ZC3H12B: variants seen among roughly 807,000 people sequenced by gnomAD.
ZC3H12B encodes the protein probable ribonuclease ZC3H12B.
In ZC3H12B, 7 loss-of-function variants were observed where a neutral mutation model predicts 43.9. The observed-to-expected ratio is 0.16, with a 90% CI of 0.09 to 0.30. ZC3H12B has a LOEUF of 0.30. Among genes scored for constraint, ZC3H12B ranks in the 10% least tolerant of loss-of-function variants. The pLI is 1.00. For synonymous variants in ZC3H12B, 222 were observed against 241.7 expected (o/e 0.92, Z 0.76); for missense variants, 475 against 670.2 (o/e 0.71, Z 3.22).
upstream of ZC3H12B, among the ~76,000 whole-genome samples, chrX:65,365,027 T>C (rs1481388718): frequency 9.0e-6 from 1 of 111,613 alleles, no homozygotes; most frequent in Non-Finnish European, 1.9e-5. Flanking sequence ...AATTCCTGGG[T>C]TTGGCCTTCC....
the ZC3H12B span, among the ~76,000 whole-genome samples, chrX:65,290,933 ATGTT>A: frequency 9.0e-6 from 1 of 111,568 alleles, no homozygotes; most frequent in Non-Finnish European, 1.9e-5. Flanking sequence ...AATAAATTCA[ATGTT>A]TGATAGCAGA....
intron 2 of ZC3H12B, among the ~76,000 whole-genome samples, chrX:65,394,797 A>G (rs1022627008): frequency 4.5e-5 from 5 of 111,901 alleles, no homozygotes; most frequent in African/African-American, 1.6e-4. Flanking sequence ...TTTGGAGAGT[A>G]TGGCCATTTT....
intron 3 of ZC3H12B, among the ~76,000 whole-genome samples, chrX:65,472,082 T>A (rs1367382111): frequency 1.8e-5 from 2 of 111,913 alleles, no homozygotes; most frequent in East Asian, 5.6e-4. Context: ...TTAGTTTTGC[T>A]GCATAAAAAT....
At chrX:65,319,024 A>T in the ZC3H12B span, among the ~76,000 whole-genome samples, 1 of 111,396 alleles carries the variant, frequency 9.0e-6, no homozygotes, top group East Asian at 2.8e-4. Flanking sequence ...ACCTAGAGAA[A>T]CAAGAGAAAA....
the ZC3H12B span, among the ~76,000 whole-genome samples, chrX:65,166,376 A>ATTTTTTATGAAC: frequency 9.0e-6 from 1 of 111,277 alleles, no homozygotes; most frequent in East Asian, 2.8e-4. Context: ...ACATGAACTC[A>ATTTTTTATGAAC]TCGTTTTTTA....
the ZC3H12B span, among the ~76,000 whole-genome samples, chrX:65,267,862 G>A: frequency 9.0e-6 from 1 of 111,573 alleles, no homozygotes; most frequent in African/African-American, 3.2e-5. Context: ...ATCTCAAGGA[G>A]ATAGGAAAAG....
the ZC3H12B span, among the ~76,000 whole-genome samples, chrX:65,296,531 A>T: frequency 9.0e-6 from 1 of 111,039 alleles, no homozygotes; most frequent in African/African-American, 3.3e-5. Context: ...AGACACACAC[A>T]CAGTCCAGGA....
At chrX:65,179,881 A>C in the ZC3H12B span, among the ~76,000 whole-genome samples, 3 of 112,026 alleles carry the variant, frequency 2.7e-5, no homozygotes, top group South Asian at 1.1e-3. Context: ...CCACCAAAAA[A>C]ATCCCAGGAC....
At chrX:65,438,844 A>G (rs1036776325) in intron 3 of ZC3H12B, among the ~76,000 whole-genome samples, 2 of 112,979 alleles carry the variant, frequency 1.8e-5, no homozygotes, top group Admixed American at 9.3e-5. Flanking sequence ...CTTGGACATT[A>G]TGGCCATTAT....
chrX:65,424,700 C>T (rs1336561885), intron 3 of ZC3H12B, among the ~76,000 whole-genome samples: 2 of 111,671 alleles, frequency 1.8e-5, no homozygotes, highest in African/African-American at 6.5e-5. Context: ...GCCAGTTCTC[C>T]CAGAACAATT....
the ZC3H12B span, among the ~76,000 whole-genome samples, chrX:65,182,036 A>G: frequency 8.9e-6 from 1 of 112,128 alleles, no homozygotes; most frequent in Admixed American, 9.5e-5. Context: ...GATAAAGAAA[A>G]TGTGGCACAT....
rs2068357651 is a variant in ZC3H12B, at chrX:65,500,877, T to C, written c.1090+888T>C. Among the ~76,000 whole-genome samples the C allele has an allele frequency of 3.6e-5, 4 of 111,783 alleles. No homozygotes were observed. In the South Asian group the frequency reaches 1.5e-3, roughly 41 times the overall value. On this transcript the variant is annotated intron_variant, in intron 4 of 4. Coordinates refer to ENST00000338957, the Ensembl canonical transcript of ZC3H12B. Reference sequence around the variant, plus strand: ...CTGAGGCTACTTTGAATGTCTGTTTTTTTGGATGATCATTTGTTTTGTGGG... The same window carrying C: ...CTGAGGCTACTTTGAATGTCTGTTTCTTTGGATGATCATTTGTTTTGTGGG...
intron 3 of ZC3H12B, among the ~76,000 whole-genome samples, chrX:65,477,884 C>T (rs2068016701): frequency 9.3e-6 from 1 of 107,371 alleles, no homozygotes; most frequent in Non-Finnish European, 1.9e-5. Context: ...TCACAGGTCT[C>T]TTAGGCTCTG....
chrX:65,106,465 A>G, the ZC3H12B span, among the ~76,000 whole-genome samples: 1 of 111,500 alleles, frequency 9.0e-6, no homozygotes, highest in Non-Finnish European at 1.9e-5. Flanking sequence ...AGTTTAGAGG[A>G]TGGATTTGAA....
intron 3 of ZC3H12B, among the ~76,000 whole-genome samples, chrX:65,418,254 G>T (rs1355646166): frequency 9.0e-6 from 1 of 111,454 alleles, no homozygotes; most frequent in Non-Finnish European, 1.9e-5. Context: ...TTTAAATAAT[G>T]GAATACCCTA....
At chrX:65,405,358 G>A (rs186161338) in intron 3 of ZC3H12B, among the ~76,000 whole-genome samples, 257 of 112,696 alleles carry the variant, frequency 2.3e-3, no homozygotes, top group African/African-American at 8.1e-3. Flanking sequence ...GGTGGCTCAC[G>A]CCTGTAGTCC....
the ZC3H12B span, among the ~76,000 whole-genome samples, chrX:65,246,029 A>G: frequency 1.8e-5 from 2 of 112,242 alleles, no homozygotes; most frequent in Admixed American, 1.9e-4. Flanking sequence ...GCTTTCTCCC[A>G]AAAGGTACTT....
At chrX:65,093,548 G>A in the ZC3H12B span, among the ~76,000 whole-genome samples, 3 of 112,390 alleles carry the variant, frequency 2.7e-5, no homozygotes, top group African/African-American at 9.7e-5. Context: ...ACATCAGCAT[G>A]CCCTGGGTGT....
chrX:65,056,473 G>A, the ZC3H12B span, among the ~76,000 whole-genome samples: 11 of 111,394 alleles, frequency 9.9e-5, no homozygotes, highest in African/African-American at 3.3e-4. Flanking sequence ...TATAATTTCT[G>A]TTTTTTTACA....
Sources: allele counts gnomAD v4.1 joint callset (sites outside exome capture counted in the v4.1 genomes callset), GRCh38; gene constraint gnomAD v4.1.1; transcripts MANE v1.5; gene names NCBI Gene and HGNC (gene_info 2026-07-23, HGNC 2026-07-21).